DTX4: variants seen among roughly 807,000 people sequenced by gnomAD.
DTX4 encodes E3 ubiquitin-protein ligase DTX4.
Under a neutral mutation model 57.6 loss-of-function variants are expected in DTX4, and 28 were observed. That is an observed-to-expected ratio of 0.49 (90% CI 0.36 to 0.67). The LOEUF is 0.67. Among genes scored for constraint, DTX4 ranks in the 30% least tolerant of loss-of-function variants. The probability of loss-of-function intolerance (pLI) is 0.00; values close to 1 mark genes in which losing one functional copy is unlikely to be tolerated. For missense variants in DTX4, 715 were observed against 836.8 expected (o/e 0.85, Z 1.80); for synonymous variants, 316 against 331.0 (o/e 0.95, Z 0.49).
intron 8 of DTX4, 59 bp from the exon 9 acceptor site, chr11:59,204,617 G>C: frequency 6.8e-7 from 1 of 1,480,766 alleles, no homozygotes; most frequent in Non-Finnish European, 9.2e-7. Context: ...ACCGTCCAAG[G>C]GATAGTCTTT....
At position 59,204,893 on chromosome 11, in the gene DTX4, C is replaced by T; in HGVS notation, c.1844C>T (p.Ala615Val). 2 of 1,584,564 alleles carry T rather than the reference C, an allele frequency of 1.3e-6. No homozygotes were observed. The highest frequency in any genetic ancestry group is 2.3e-5 in the East Asian group (1 of 43,258). Residue 615 changes from alanine (A) to valine (V), a missense_variant, in exon 9 of 9, where the codon GCC (alanine) becomes GTC (valine). By Grantham distance (64) the Ala-to-Val change is moderately conservative. Coordinates refer to ENST00000227451, the MANE Select transcript of DTX4 (RefSeq NM_015177.2). ...CAGGGCATCTCTGAGGACAGCACTG[C>T]CCAGGAGAAGGACTGAGGCCAGAAA... ...AAQGISEDST[A>V]QEKD
At chr11:59,190,344 T>A (rs1357237074) in intron 4 of DTX4, among the ~76,000 whole-genome samples, 2 of 152,232 alleles carry the variant, frequency 1.3e-5, no homozygotes, top group African/African-American at 4.8e-5. Context: ...ATCCATTTGC[T>A]CATTCAATTG....
At chr11:59,174,419 G>A (rs1473304129) in intron 1 of DTX4, among the ~76,000 whole-genome samples, 2 of 149,936 alleles carry the variant, frequency 1.3e-5, no homozygotes, top group African/African-American at 4.9e-5. Flanking sequence ...TGTGTGTTGG[G>A]CGGAGCTGAG....
At chr11:59,190,363 A>T (rs1447225086) in intron 4 of DTX4, among the ~76,000 whole-genome samples, 1 of 152,190 alleles carries the variant, frequency 6.6e-6, no homozygotes, top group Non-Finnish European at 1.5e-5. Context: ...TGTCAAAGCA[A>T]CCCTTTGAGG....
At chr11:59,181,176 G>A (rs1044063586) in intron 1 of DTX4, among the ~76,000 whole-genome samples, 1 of 152,062 alleles carries the variant, frequency 6.6e-6, no homozygotes, top group Non-Finnish European at 1.5e-5. Context: ...ATGACTCTTG[G>A]CACAAGAGCA....
At chr11:59,204,535 T>C (rs1032660810) in intron 8 of DTX4, 141 bp from the exon 9 acceptor site, 3 of 757,398 alleles carry the variant, frequency 4.0e-6, no homozygotes, top group Non-Finnish European at 4.3e-6. Context: ...CAAGTCCAAA[T>C]CTCTTTCTTT....
intron 2 of DTX4, chr11:59,185,281 A>C (rs947574097): frequency 1.3e-5 from 2 of 152,180 alleles, no homozygotes; most frequent in Non-Finnish European, 2.9e-5. Flanking sequence ...GGACTGGTGC[A>C]TAACTCCGAG....
At chr11:59,197,228 C>A (rs1862683475) in intron 7 of DTX4, among the ~76,000 whole-genome samples, 1 of 152,196 alleles carries the variant, frequency 6.6e-6, no homozygotes, top group Non-Finnish European at 1.5e-5. Flanking sequence ...GGGCTTATAT[C>A]TGTCTGTCTG....
intron 1 of DTX4, among the ~76,000 whole-genome samples, chr11:59,177,474 A>G (rs1170197087): frequency 6.6e-6 from 1 of 152,258 alleles, no homozygotes; most frequent in African/African-American, 2.4e-5. Context: ...ACTAATGGAC[A>G]GAGTGGCTCT....
chr11:59,199,265 T>C (rs1862711995), intron 7 of DTX4, among the ~76,000 whole-genome samples: 1 of 152,218 alleles, frequency 6.6e-6, no homozygotes, highest in Non-Finnish European at 1.5e-5. Flanking sequence ...AAGCCACATA[T>C]CTTCTCTGCA....
intron 2 of DTX4, among the ~76,000 whole-genome samples, chr11:59,186,977 C>T (rs1330048821): frequency 1.3e-5 from 2 of 152,204 alleles, no homozygotes; most frequent in Non-Finnish European, 2.9e-5. Context: ...CATCTCCCAG[C>T]ATTGGTGCAC....
At chr11:59,197,870 CGTG>C (rs1862694411) in intron 7 of DTX4, among the ~76,000 whole-genome samples, 1 of 152,126 alleles carries the variant, frequency 6.6e-6, no homozygotes, top group South Asian at 2.1e-4. Context: ...CAAAGACAAA[CGTG>C]GGGCTACCAT....
intron 1 of DTX4, among the ~76,000 whole-genome samples, chr11:59,175,343 G>A (rs1041269168): frequency 6.6e-6 from 1 of 152,150 alleles, no homozygotes; most frequent in Non-Finnish European, 1.5e-5. Context: ...TGAGAGCTTT[G>A]TCTTTTTAGA....
At chr11:59,173,117 A>G (rs891570176) in intron 1 of DTX4, among the ~76,000 whole-genome samples, 86 of 152,118 alleles carry the variant, frequency 5.7e-4, no homozygotes, top group African/African-American at 1.9e-3. Context: ...AAGTCTTTCT[A>G]TGTAGAAATT....
chr11:59,189,409 C>CCA (rs1470502475), intron 4 of DTX4, 86 bp downstream of exon 4: 25 of 1,346,238 alleles, frequency 1.9e-5, no homozygotes, highest in Admixed American at 2.7e-5. Flanking sequence ...AGGGTCATAG[C>CCA]CACGGCTTCA....
In DTX4 at chr11:59,181,822, A is replaced by G. The variant is rs1565216403; in HGVS notation, c.295A>G (p.Asn99Asp). 6.2e-6 allele frequency: 10 copies of G among 1,613,910 alleles called. No homozygotes were observed. Among genetic ancestry groups the G allele is most frequent in the Non-Finnish European group, 7.6e-6 (9 of 1,179,878 alleles). The stretch of plus-strand genomic sequence containing the variant: ...CGTGGTGTGGGAGTGGGAGAACGAC[A>G]ATGGCTCCTGGACGCCCTACGACAT... ...KGVVWEWEND[N>D]GSWTPYDMEV... The change falls in exon 2 of 9, where the codon AAT (asparagine) becomes GAT (aspartate). Residue 99 changes from asparagine to aspartate, a missense_variant. Transcript: ENST00000227451.
chr11:59,173,425 G>A (rs1197112869), intron 1 of DTX4, among the ~76,000 whole-genome samples: 3 of 152,214 alleles, frequency 2.0e-5, no homozygotes, highest in African/African-American at 7.2e-5. Context: ...TAGGGCTGGG[G>A]TACCCTGGAC....
In DTX4 at chr11:59,208,469, C is replaced by T. The variant is rs942990308; in HGVS notation, c.*3560C>T. On this transcript the variant is annotated 3_prime_UTR_variant, in exon 9 of 9. Transcript: ENST00000227451. Reference sequence around the variant, plus strand: ...TATTCACTTTTAAAGGTCTCTTTGCCTGGCTGCAATATAGTGTGTGTTTAA... The same window carrying T: ...TATTCACTTTTAAAGGTCTCTTTGCTTGGCTGCAATATAGTGTGTGTTTAA... The T allele has an allele frequency of 3.9e-5, 6 of 152,206 alleles. No individual in the cohort carries two copies. Among genetic ancestry groups the T allele is most frequent in the Non-Finnish European group, 8.8e-5 (6 of 68,044 alleles). 9.4% of individuals were successfully genotyped at this position (152,206 alleles called of 1,614,324 possible).
chr11:59,193,133 C>T (rs968892849), intron 6 of DTX4, among the ~76,000 whole-genome samples: 2 of 139,472 alleles, frequency 1.4e-5, no homozygotes, highest in Non-Finnish European at 3.0e-5. Context: ...CTGGTCTATA[C>T]GTCTCTTACT....
Sources: allele counts gnomAD v4.1 joint callset (sites outside exome capture counted in the v4.1 genomes callset), GRCh38; gene constraint gnomAD v4.1.1; transcripts MANE v1.5; gene names NCBI Gene and HGNC (gene_info 2026-07-23, HGNC 2026-07-21).